AUTS2: variants seen among roughly 807,000 people sequenced by gnomAD.
AUTS2 encodes autism susceptibility gene 2 protein.
A neutral mutation model predicts 112.4 loss-of-function variants in AUTS2; 17 were observed. That is an observed-to-expected ratio of 0.15 (90% CI 0.10 to 0.23). The LOEUF (loss-of-function observed/expected upper bound fraction) is 0.23, where lower values mean the gene tolerates loss of function less well. Among genes scored for constraint, AUTS2 ranks in the 10% least tolerant of loss-of-function variants. The pLI, the probability that AUTS2 is intolerant of heterozygous loss-of-function variation, is 1.00. For synonymous variants in AUTS2, 751 were observed against 702.7 expected, an observed-to-expected ratio of 1.07 and a Z score of -1.09; for missense variants, 1,510 against 1,701.6, an observed-to-expected ratio of 0.89 and a Z score of 1.98.
chr7:69,779,038 C>A (rs773193605), intron 1 of AUTS2, among the ~76,000 whole-genome samples: 78 of 98,488 alleles, frequency 7.9e-4, no homozygotes, highest in Non-Finnish European at 1.3e-3. Flanking sequence ...TAGTTGTGAG[C>A]CTTTTTTTTT....
intron 5 of AUTS2, among the ~76,000 whole-genome samples, chr7:70,572,484 AG>A (rs199711589): frequency 9.8e-6 from 1 of 102,458 alleles, no homozygotes; most frequent in African/African-American, 3.7e-5. Context: ...AGGCAGGAAA[AG>A]GGGGGGCGAG....
intron 1 of AUTS2, among the ~76,000 whole-genome samples, chr7:69,858,503 TCTGA>T (rs917063422): frequency 9.9e-5 from 15 of 152,222 alleles, no homozygotes; most frequent in Admixed American, 6.5e-5. Context: ...GTCTTTTCTC[TCTGA>T]CTTTCTGTGA....
intron 14 of AUTS2, among the ~76,000 whole-genome samples, chr7:70,780,567 G>C (rs1791005948): frequency 6.6e-6 from 1 of 152,052 alleles, no homozygotes; most frequent in Non-Finnish European, 1.5e-5. Context: ...GTAGAGACAG[G>C]GTTTCACCAT....
chr7:69,661,040 A>G lies in AUTS2; in HGVS notation c.309+61078A>G, dbSNP rs76493433. On this transcript the variant is annotated intron_variant, in intron 1 of 18. Coordinates refer to ENST00000342771, the MANE Select transcript of AUTS2 (RefSeq NM_015570.4). ...AATCAAAGCAGCTAAACAAGAAGCA[A>G]CTCAGGAATTATGACATTGGCGGCA... is the stretch of plus-strand genomic sequence containing the variant. 8.0e-4 allele frequency among the ~76,000 whole-genome samples: 122 copies of G among 152,312 alleles called. 1 individual carries two copies. Among genetic ancestry groups the G allele is most frequent in the African/African-American group, 2.8e-3 (116 of 41,570 alleles).
chr7:70,119,975 A>G (rs745997372), intron 3 of AUTS2: 2 of 152,206 alleles, frequency 1.3e-5, no homozygotes, highest in Non-Finnish European at 2.9e-5. Context: ...ACTAGTATTC[A>G]GTTTAACGAG....
At chr7:69,898,356 T>C (rs1794838992) in intron 1 of AUTS2, among the ~76,000 whole-genome samples, 1 of 152,196 alleles carries the variant, frequency 6.6e-6, no homozygotes, top group Non-Finnish European at 1.5e-5. Context: ...GCTTAGTGTG[T>C]GCATCATTTC....
Position 70,613,241 on chromosome 7 carries a change from C to CTG in AUTS2, c.691-85302_691-85301dup, listed in dbSNP as rs71077668. ...TATATATACATATATGTGTGTGTGT[C>CTG]TGTGTGTGTGTGTGTGTGTGTGTGT... On this transcript the variant is annotated intron_variant, in intron 5 of 18. Transcript: ENST00000342771. 6.2e-3 allele frequency among the ~76,000 whole-genome samples: 914 copies of CTG among 147,710 alleles called. 10 individuals are homozygous for CTG. Among genetic ancestry groups the CTG allele is most frequent in the East Asian group, 0.029 (132 of 4,544 alleles).
intron 5 of AUTS2, among the ~76,000 whole-genome samples, chr7:70,451,039 G>A (rs1796509968): frequency 6.6e-6 from 1 of 152,144 alleles, no homozygotes; most frequent in Admixed American, 6.5e-5. Context: ...TGATGCAGGA[G>A]TGATCCCAAT....
intron 5 of AUTS2, among the ~76,000 whole-genome samples, chr7:70,600,645 A>G (rs747054101): frequency 3.3e-5 from 5 of 152,170 alleles, no homozygotes; most frequent in African/African-American, 7.2e-5. Context: ...TACTTCCAGA[A>G]CATTTTCATT....
At position 70,354,976 on chromosome 7, in the gene AUTS2, A is replaced by G. The variant is rs199987999; in HGVS notation, c.661-80776A>G. Among the ~76,000 whole-genome samples the G allele has an allele frequency of 6.1e-5, 9 of 147,410 alleles. No homozygotes were observed. The East Asian group carries it at 1.0e-3, about 16-fold the overall frequency. On this transcript the variant is annotated intron_variant, in intron 4 of 18. Coordinates refer to ENST00000342771, the MANE Select transcript of AUTS2 (RefSeq NM_015570.4). ...GGCTGCTGTGTGTGTGTGTGTGTGTATGTATGGGTGTGTGTGTGTATGGGT... is the reference window on the plus strand; with the variant it reads ...GGCTGCTGTGTGTGTGTGTGTGTGTGTGTATGGGTGTGTGTGTGTATGGGT...
chr7:69,944,519 T>G (rs757902309), intron 2 of AUTS2, among the ~76,000 whole-genome samples: 2 of 152,196 alleles, frequency 1.3e-5, no homozygotes, highest in Non-Finnish European at 2.9e-5. Flanking sequence ...AAACCATTTG[T>G]GTAGGGTACA....
At chr7:70,322,519 G>C (rs896097676) in intron 4 of AUTS2, among the ~76,000 whole-genome samples, 1 of 152,152 alleles carries the variant, frequency 6.6e-6, no homozygotes, top group African/African-American at 2.4e-5. Context: ...CCTCATGCCT[G>C]GTGGTGATAA....
chr7:69,684,439 G>T (rs917526307), intron 1 of AUTS2, among the ~76,000 whole-genome samples: 4 of 152,106 alleles, frequency 2.6e-5, no homozygotes, highest in Non-Finnish European at 5.9e-5. Flanking sequence ...TTCACACCCT[G>T]TTGCCGTTTA....
intron 1 of AUTS2, among the ~76,000 whole-genome samples, chr7:69,817,990 CTTTG>C (rs1191248116): frequency 6.6e-6 from 1 of 152,150 alleles, no homozygotes; most frequent in African/African-American, 2.4e-5. Flanking sequence ...GCTGCAGCCC[CTTTG>C]TTTGTGAGCT....
chr7:70,021,641 G>A (rs551716130), intron 2 of AUTS2, among the ~76,000 whole-genome samples: 21 of 152,286 alleles, frequency 1.4e-4, no homozygotes, highest in South Asian at 4.1e-4. Context: ...AGGTTATTTC[G>A]TAAGGCTGTG....
chr7:70,445,574 A>C (rs1303190379), intron 5 of AUTS2, among the ~76,000 whole-genome samples: 1 of 152,150 alleles, frequency 6.6e-6, no homozygotes, highest in African/African-American at 2.4e-5. Context: ...TTTAGCCTGG[A>C]ATGCAGTTAT....
At chr7:69,737,765 A>G (rs1260197393) in intron 1 of AUTS2, among the ~76,000 whole-genome samples, 1 of 152,144 alleles carries the variant, frequency 6.6e-6, no homozygotes, top group East Asian at 1.9e-4. Flanking sequence ...GTCATGCATA[A>G]AAGCCTTGTT....
At chr7:69,736,030 C>T (rs897646452) in intron 1 of AUTS2, among the ~76,000 whole-genome samples, 1 of 152,150 alleles carries the variant, frequency 6.6e-6, no homozygotes, top group South Asian at 2.1e-4. Context: ...GCTGGATTTC[C>T]AGTACGTAGA....
chr7:70,055,862 TA>T, intron 2 of AUTS2, among the ~76,000 whole-genome samples: 1 of 152,356 alleles, frequency 6.6e-6, no homozygotes, highest in African/African-American at 2.4e-5. Context: ...TTTTTATTTT[TA>T]TTTTTTTTGA....
Sources: allele counts gnomAD v4.1 joint callset (sites outside exome capture counted in the v4.1 genomes callset), GRCh38; gene constraint gnomAD v4.1.1; transcripts MANE v1.5; gene names NCBI Gene and HGNC (gene_info 2026-07-23, HGNC 2026-07-21).